IQSEC3: variants seen among roughly 807,000 people sequenced by gnomAD.
IQSEC3 encodes IQ motif and SEC7 domain-containing protein 3.
IQSEC3 carries 50 observed loss-of-function variants against 105.4 expected under a neutral mutation model. The ratio of observed to expected loss-of-function variants is 0.47; its 90% CI spans 0.38 to 0.60. IQSEC3 has a LOEUF of 0.60. IQSEC3 is among the 20% of genes least tolerant of loss of function. The probability of loss-of-function intolerance (pLI) is 0.00; values close to 1 mark genes in which losing one functional copy is unlikely to be tolerated. For missense variants in IQSEC3, 1,415 were observed against 1,630.0 expected, an observed-to-expected ratio of 0.87 and a Z score of 2.27; for synonymous variants, 708 against 746.0, an observed-to-expected ratio of 0.95 and a Z score of 0.83.
chr12:88,618 T>C (rs1397118354), intron 1 of IQSEC3, among the ~76,000 whole-genome samples: 2 of 152,186 alleles, frequency 1.3e-5, no homozygotes, highest in Non-Finnish European at 2.9e-5. Flanking sequence ...TGGGTCTGGA[T>C]ACCAACAGGC....
intron 1 of IQSEC3, among the ~76,000 whole-genome samples, chr12:71,060 C>A (rs1372354325): frequency 6.6e-6 from 1 of 152,292 alleles, no homozygotes; most frequent in Non-Finnish European, 1.5e-5. Flanking sequence ...TTCTTCTCTA[C>A]CCTTATCCTT....
chr12:161,863 T>G (rs1866905581), intron 7 of IQSEC3, 63 bp from the exon 8 acceptor site: 1 of 1,485,696 alleles, frequency 6.7e-7, no homozygotes, highest in Non-Finnish European at 9.1e-7. Flanking sequence ...TCTGTCTGGC[T>G]CCAGGGCTCT....
Position 120,538 on chromosome 12 carries a change from AGG to A in IQSEC3, c.624-5093_624-5092del, listed in dbSNP as rs546448472. 1.6e-4 allele frequency among the ~76,000 whole-genome samples: 25 copies of A among 152,276 alleles called. No individual in the cohort carries two copies. The South Asian group carries it at 5.0e-3, about 30-fold the overall frequency. On this transcript the variant is annotated intron_variant, in intron 2 of 13. Transcript: ENST00000538872. ...AGGCTGTGGTGGCCACTGGAACCCC[AGG>A]GCACCATCTGTGTGCCAGGACCAGG...
At chr12:126,347 C>G (rs1165612193) in intron 3 of IQSEC3, among the ~76,000 whole-genome samples, 1 of 152,334 alleles carries the variant, frequency 6.6e-6, no homozygotes, top group East Asian at 1.9e-4. Flanking sequence ...ATGGTCTCCT[C>G]GAAGCAGACA....
intron 11 of IQSEC3, among the ~76,000 whole-genome samples, chr12:168,282 A>T (rs954687716): frequency 6.6e-6 from 1 of 152,326 alleles, no homozygotes; most frequent in South Asian, 2.1e-4. Context: ...TTGAGTACCT[A>T]GACAGATGTC....
chr12:169,029 G>A lies in IQSEC3; in HGVS notation c.2988G>A (p.Gln996=). 2 of 1,614,096 alleles carry A rather than the reference G, an allele frequency of 1.2e-6. No individual in the cohort carries two copies. The highest frequency in any genetic ancestry group is 1.7e-6 in the Non-Finnish European group (2 of 1,180,000). ...ATTCCTTAGGGGAGCTGGAGAAGCA[G>A]CAGGGAACAAAGACACTCTCCTTCA... ...QIRIEWELEK[Q]QGTKTLSFKP... is the part of the protein sequence containing the mutation. Residue 996 remains glutamine (Q), a synonymous_variant, in exon 12 of 14, where the codon CAG becomes CAA. Transcript: ENST00000538872.
At chr12:86,590 A>C (rs764343155) in intron 1 of IQSEC3, among the ~76,000 whole-genome samples, 12 of 152,228 alleles carry the variant, frequency 7.9e-5, no homozygotes, top group Non-Finnish European at 1.5e-4. Flanking sequence ...AGGCTCAGTC[A>C]GGCAAAGATA....
chr12:122,080 A>G (rs1865237140), intron 2 of IQSEC3, among the ~76,000 whole-genome samples: 1 of 152,176 alleles, frequency 6.6e-6, no homozygotes, highest in African/African-American at 2.4e-5. Flanking sequence ...AGGTAAGTCT[A>G]TGGAAGGCAG....
Position 87,266 on chromosome 12 carries a change from G to A in IQSEC3, c.555-11880G>A, listed in dbSNP as rs1248097319. ...TGGCTGTTTGTTCCTTTCCATGCAC[G>A]CCTCTCCATGGAGTCATTTGGGCTT... On this transcript the variant is annotated intron_variant, in intron 1 of 13. Transcript: ENST00000538872. 1.3e-5 allele frequency among the ~76,000 whole-genome samples: 2 copies of A among 152,154 alleles called. 1 individual carries two copies. Among genetic ancestry groups the A allele is most frequent in the South Asian group, 4.2e-4 (2 of 4,812 alleles).
Position 138,885 on chromosome 12 carries a change from G to A in IQSEC3, c.1522G>A (p.Ala508Thr). ...CTCCTCCTCCACGGCTCTGTCGGTG[G>A]CCAACTGCCTGGGCGCTCAGACGGT... ...SVSSSTALSV[A>T]NCLGAQTVQA... is the part of the protein sequence containing the mutation. The change falls in exon 4 of 14, where the codon GCC becomes ACC. Residue 508 changes from alanine (A) to threonine (T), a missense_variant. Ala to Thr is a moderately conservative substitution (Grantham distance 58, BLOSUM62 0). Transcript: ENST00000538872. The surrounding 1 kb of genome is among the most constrained non-coding windows in gnomAD (Gnocchi z 7.1). 1 of 1,610,810 alleles carries A rather than the reference G, an allele frequency of 6.2e-7. No homozygotes were observed. Among genetic ancestry groups the A allele is most frequent in the South Asian group, 1.1e-5 (1 of 90,468 alleles).
chr12:132,104 G>A lies in IQSEC3; in HGVS notation c.904-6163G>A, dbSNP rs190765505. ...TTGGGGCCCGAGGCAGGGAGACCCCGTCTGTTCGGGGCATTGAGAGGGCTG... is the reference window on the plus strand; with the variant it reads ...TTGGGGCCCGAGGCAGGGAGACCCCATCTGTTCGGGGCATTGAGAGGGCTG... On this transcript the variant is annotated intron_variant, in intron 3 of 13. Coordinates refer to ENST00000538872, the MANE Select transcript of IQSEC3 (RefSeq NM_001170738.2). 5.3e-5 allele frequency among the ~76,000 whole-genome samples: 8 copies of A among 152,308 alleles called. No individual in the cohort carries two copies. In the South Asian group the frequency reaches 1.2e-3, roughly 24 times the overall value.
At chr12:158,754 G>A (rs1484000273) in intron 7 of IQSEC3, among the ~76,000 whole-genome samples, 1 of 152,146 alleles carries the variant, frequency 6.6e-6, no homozygotes, top group Non-Finnish European at 1.5e-5. Flanking sequence ...CACCTCCCAG[G>A]TTCAAGTAAT....
At chr12:120,546 AT>A (rs1310641138) in intron 2 of IQSEC3, among the ~76,000 whole-genome samples, 2 of 152,162 alleles carry the variant, frequency 1.3e-5, no homozygotes, top group African/African-American at 2.4e-5. Context: ...CCAGGGCACC[AT>A]CTGTGTGCCA....
chr12:117,211 C>A (rs560214175), intron 2 of IQSEC3, among the ~76,000 whole-genome samples: 50 of 152,086 alleles, frequency 3.3e-4, no homozygotes, highest in African/African-American at 1.1e-3. Context: ...CAAGAGCAGA[C>A]GTGAAAGGTG....
chr12:131,620 A>G (rs1865603802), intron 3 of IQSEC3, among the ~76,000 whole-genome samples: 1 of 152,228 alleles, frequency 6.6e-6, no homozygotes, highest in Non-Finnish European at 1.5e-5. Context: ...ACACTTATTC[A>G]GCCTCAGCCA....
chr12:125,816 C>A lies in IQSEC3; in HGVS notation c.807C>A (p.Ser269=), dbSNP rs2136968933. 1 of 1,528,404 alleles carries A rather than the reference C, an allele frequency of 6.5e-7. No individual in the cohort carries two copies. The highest frequency in any genetic ancestry group is 8.7e-7 in the Non-Finnish European group (1 of 1,144,010). The allele number at this position is 1,528,404 out of a possible 1,614,324, so 94.7% of individuals were successfully genotyped here. ...GGGCTGGCCCCCAGCACAAGGCCTC[C>A]CCCGGCCGGCAGCAGCCTGCCCTGG... ...SPRAGPQHKA[S]PGRQQPALAT... is the part of the protein sequence containing the mutation. Residue 269 remains serine (S), a synonymous_variant, in exon 3 of 14, where the codon TCC becomes TCA. Transcript: ENST00000538872.
intron 2 of IQSEC3, among the ~76,000 whole-genome samples, chr12:113,898 T>A (rs1464665184): frequency 6.6e-6 from 1 of 152,178 alleles, no homozygotes; most frequent in Non-Finnish European, 1.5e-5. Flanking sequence ...GACTAGAAGA[T>A]AAATTCAGAA....
chr12:78,880 G>A (rs1863649620), intron 1 of IQSEC3, among the ~76,000 whole-genome samples: 1 of 152,110 alleles, frequency 6.6e-6, no homozygotes, highest in African/African-American at 2.4e-5. Flanking sequence ...TCCAGTGGCA[G>A]AAGGTGCTCT....
intron 1 of IQSEC3, among the ~76,000 whole-genome samples, chr12:76,522 C>G (rs1162458248): frequency 6.6e-6 from 1 of 152,274 alleles, no homozygotes; most frequent in Non-Finnish European, 1.5e-5. Context: ...GGCCTGGTCA[C>G]GCCATCAGCA....
Sources: allele counts gnomAD v4.1 joint callset (sites outside exome capture counted in the v4.1 genomes callset), GRCh38; gene constraint gnomAD v4.1.1; non-coding constraint Gnocchi (gnomAD v3.1); transcripts MANE v1.5; gene names NCBI Gene and HGNC (gene_info 2026-07-23, HGNC 2026-07-21).